The following KCNQ1 variants were observed in gnomAD, a reference collection of about 807,000 sequenced individuals.
KCNQ1 encodes potassium voltage-gated channel subfamily Q member 1, also known as potassium voltage-gated channel subfamily KQT member 1.
KCNQ1 carries 49 observed loss-of-function variants against 72.4 expected under a neutral mutation model. The ratio of observed to expected loss-of-function variants is 0.68; its 90% CI spans 0.54 to 0.86. The LOEUF (loss-of-function observed/expected upper bound fraction) is 0.86. Ranked by LOEUF, KCNQ1 falls within the 40% of genes least tolerant of loss-of-function variation. The probability of loss-of-function intolerance (pLI) is 0.00; values close to 1 mark genes in which losing one functional copy is unlikely to be tolerated. For missense variants in KCNQ1, 790 were observed against 945.1 expected, an observed-to-expected ratio of 0.84 and a Z score of 2.15; for synonymous variants, 450 against 412.6, an observed-to-expected ratio of 1.09 and a Z score of -1.10.
chr11:2,583,638 C>T (rs940644164), intron 7 of KCNQ1, 93 bp downstream of exon 7: 50 of 858,638 alleles, frequency 5.8e-5, no homozygotes, highest in East Asian at 4.4e-4. Flanking sequence ...GACCCACTTA[C>T]GTTCAGAACC....
rs1850301455 is a variant in KCNQ1 at position 2,676,721 on chromosome 11, A to T, written c.1514+14640A>T. 1 of 398,562 alleles carries T rather than the reference A, an allele frequency of 2.5e-6. No individual in the cohort carries two copies. Among genetic ancestry groups the T allele is most frequent in the African/African-American group, 2.1e-5 (1 of 48,638 alleles). The allele number at this position is 398,562 out of a possible 1,614,324, so 24.7% of individuals were successfully genotyped here. ...GCCTGGCAGGAGATAACCAAGTCATATGCATAGTGGCTTTGGGTACGATGG... is the reference window on the plus strand; with the variant it reads ...GCCTGGCAGGAGATAACCAAGTCATTTGCATAGTGGCTTTGGGTACGATGG... On this transcript the variant is annotated intron_variant, in intron 11 of 15. Coordinates refer to ENST00000155840, the MANE Select transcript of KCNQ1 (RefSeq NM_000218.3). The surrounding 1 kb of genome is among the most constrained non-coding windows in gnomAD (Gnocchi z 4.2).
chr11:2,737,578 T>TTA (rs1845978677), intron 11 of KCNQ1, among the ~76,000 whole-genome samples: 1 of 152,236 alleles, frequency 6.6e-6, no homozygotes, highest in Non-Finnish European at 1.5e-5. Flanking sequence ...AGTCTCCTAA[T>TTA]TATATTTATG....
chr11:2,798,485 G>GGCA (rs948792766), intron 15 of KCNQ1, among the ~76,000 whole-genome samples: 1 of 152,016 alleles, frequency 6.6e-6, no homozygotes, highest in African/African-American at 2.4e-5. Flanking sequence ...AGGGGTTTGC[G>GGCA]GCAGCAGCAG....
In KCNQ1 at chr11:2,816,961, CA is replaced by C. The variant is rs1490379712; in HGVS notation, c.1795-30802del. ...CCCCTCTGCCTCTGGAGGTCCCCTCCAAAACCTTGGTCCCTGTCCGCAGAGG... is the reference window on the plus strand; with the variant it reads ...CCCCTCTGCCTCTGGAGGTCCCCTCCAAACCTTGGTCCCTGTCCGCAGAGG... On this transcript the variant is annotated intron_variant, in intron 15 of 15. Transcript: ENST00000155840. This position sits in a 1 kb window ranked among gnomAD's most constrained non-coding sequence, Gnocchi z 6.8. Among the ~76,000 whole-genome samples, 1 of 152,116 alleles carries C rather than the reference CA, an allele frequency of 6.6e-6. No individual in the cohort carries two copies. The highest frequency in any genetic ancestry group is 1.9e-4 in the East Asian group (1 of 5,160).
chr11:2,452,370 A>G (rs1490183403), intron 1 of KCNQ1, among the ~76,000 whole-genome samples: 4 of 151,980 alleles, frequency 2.6e-5, no homozygotes, highest in Admixed American at 2.6e-4. Flanking sequence ...GCCCAGCTGC[A>G]CTGGGACCCC....
intron 11 of KCNQ1, chr11:2,675,077 A>G: frequency 2.5e-6 from 1 of 398,622 alleles, no homozygotes; most frequent in East Asian, 3.6e-5. Context: ...TGGAGAGGCT[A>G]GTGTGGGCAT....
intron 1 of KCNQ1, among the ~76,000 whole-genome samples, chr11:2,490,658 T>G (rs1196097411): frequency 6.6e-6 from 1 of 152,212 alleles, no homozygotes; most frequent in Non-Finnish European, 1.5e-5. Context: ...TTCTTCTGGA[T>G]CTTATCTAAG....
At chr11:2,667,926 G>A (rs939641453) in intron 11 of KCNQ1, 17 of 398,582 alleles carry the variant, frequency 4.3e-5, no homozygotes, top group South Asian at 1.3e-4. Context: ...ACCCATGTGT[G>A]CAGCACCCGG....
Position 2,523,116 on chromosome 11 carries a change from C to CCT in KCNQ1, c.387-4810_387-4809dup, listed in dbSNP as rs572145851. ...GCAGCCAGTCACCAAGTTTTCAAGC[C>CCT]CTCACCTGCGGCCTGTGAGTGCCCA... On this transcript the variant is annotated intron_variant, in intron 1 of 15. Coordinates refer to ENST00000155840, the MANE Select transcript of KCNQ1 (RefSeq NM_000218.3). 4.2e-3 allele frequency among the ~76,000 whole-genome samples: 642 copies of CCT among 152,338 alleles called. 5 individuals are homozygous for CCT. Among genetic ancestry groups the CCT allele is most frequent in the African/African-American group, 0.015 (617 of 41,558 alleles).
In KCNQ1 at chr11:2,471,721, C is replaced by T. The variant is rs1343715960; in HGVS notation, c.386+26237C>T. ...GTGTGTATAGGTGTGTGTATGTGTG[C>T]ATGGGCGTGTGTATGTGTGCATGGG... On this transcript the variant is annotated intron_variant, in intron 1 of 15. Transcript: ENST00000155840. This position sits in a 1 kb window ranked among gnomAD's most constrained non-coding sequence, Gnocchi z 4.8. 2.9e-5 allele frequency among the ~76,000 whole-genome samples: 4 copies of T among 138,682 alleles called. No individual in the cohort carries two copies. The highest frequency in any genetic ancestry group is 7.2e-5 in the Admixed American group (1 of 13,906). The allele number at this position is 138,682 out of a possible 152,430, so 91.0% of individuals were successfully genotyped here. A position where few individuals can be genotyped will look rare whatever the true frequency, so the allele number is the denominator to read the frequency against.
chr11:2,465,523 G>A (rs147148482), intron 1 of KCNQ1, among the ~76,000 whole-genome samples: 4,985 of 152,336 alleles, frequency 0.033, 115 homozygotes, highest in Middle Eastern at 0.065. Context: ...CTGAGAGGGT[G>A]GACACTTGCC....
intron 10 of KCNQ1, chr11:2,643,766 T>C: frequency 2.5e-6 from 1 of 398,616 alleles, no homozygotes; most frequent in East Asian, 3.6e-5. Context: ...AAGCATTTTT[T>C]GTAGTGCCAG....
In KCNQ1 at chr11:2,677,133, C is replaced by G; in HGVS notation, c.1514+15052C>G. The G allele has an allele frequency of 5.0e-6, 2 of 398,628 alleles. No homozygotes were observed. The highest frequency in any genetic ancestry group is 8.8e-6 in the Non-Finnish European group (2 of 226,062). The allele number at this position is 398,628 out of a possible 1,614,324, so 24.7% of individuals were successfully genotyped here. On this transcript the variant is annotated intron_variant, in intron 11 of 15. Transcript: ENST00000155840. This position sits in a 1 kb window ranked among gnomAD's most constrained non-coding sequence, Gnocchi z 4.5. The stretch of plus-strand genomic sequence containing the variant: ...AAATTAGTTTCCCTGAAACATCCCT[C>G]CCTATTGAACACTGTTGTTTCTCCC...
In KCNQ1 at chr11:2,817,661, C is replaced by G. The variant is rs919200681; in HGVS notation, c.1795-30106C>G. On this transcript the variant is annotated intron_variant, in intron 15 of 15. Transcript: ENST00000155840. This position sits in a 1 kb window ranked among gnomAD's most constrained non-coding sequence, Gnocchi z 6.1. ...ATCACAGAGGTGGTGAGAGCTACCC[C>G]GGGTCTGGGGACTGTTAGCACAGAC... 5.9e-5 allele frequency among the ~76,000 whole-genome samples: 9 copies of G among 152,114 alleles called. No homozygotes were observed. Among genetic ancestry groups the G allele is most frequent in the African/African-American group, 1.9e-4 (8 of 41,414 alleles).
Position 2,677,741 on chromosome 11 carries a change from C to T in KCNQ1, c.1514+15660C>T, listed in dbSNP as rs1011695671. 5 of 398,328 alleles carry T rather than the reference C, an allele frequency of 1.3e-5. No individual in the cohort carries two copies. The highest frequency in any genetic ancestry group is 7.1e-5 in the East Asian group (2 of 28,074). The allele number at this position is 398,328 out of a possible 1,614,324, so 24.7% of individuals were successfully genotyped here. ...ATCTCTATTGTAAAATTTTGGTCTC[C>T]GTTTTCAGTGGATTTACTTTAAGAG... is the stretch of plus-strand genomic sequence containing the variant. On this transcript the variant is annotated intron_variant, in intron 11 of 15. Transcript: ENST00000155840. This position sits in a 1 kb window ranked among gnomAD's most constrained non-coding sequence, Gnocchi z 4.5.
rs926818601 is a variant in KCNQ1 at position 2,471,581 on chromosome 11, C to G, written c.386+26097C>G. Among the ~76,000 whole-genome samples the G allele has an allele frequency of 1.3e-5, 2 of 150,262 alleles. No individual in the cohort carries two copies. The highest frequency in any genetic ancestry group is 3.9e-4 in the East Asian group (2 of 5,080). On this transcript the variant is annotated intron_variant, in intron 1 of 15. Coordinates refer to ENST00000155840, the MANE Select transcript of KCNQ1 (RefSeq NM_000218.3). The surrounding 1 kb of genome is among the most constrained non-coding windows in gnomAD (Gnocchi z 4.8). The stretch of plus-strand genomic sequence containing the variant: ...GCACATGTGTATGTGTGTGTGTGCA[C>G]GTGTGTATGGGTGCGTGTGCACCTG...
intron 11 of KCNQ1, among the ~76,000 whole-genome samples, chr11:2,729,150 A>G (rs1407587874): frequency 2.6e-5 from 4 of 152,246 alleles, no homozygotes; most frequent in Non-Finnish European, 5.9e-5. Flanking sequence ...CCGAGGGTCC[A>G]GACCTGTTGC....
intron 10 of KCNQ1, among the ~76,000 whole-genome samples, chr11:2,596,596 A>T (rs1030250192): frequency 6.6e-6 from 1 of 152,194 alleles, no homozygotes; most frequent in South Asian, 2.1e-4. Flanking sequence ...AGACAAAAAA[A>T]AAAAGAGTAC....
chr11:2,662,438 C>T (rs1849978431), intron 11 of KCNQ1: 4 of 426,002 alleles, frequency 9.4e-6, no homozygotes, highest in Non-Finnish European at 1.3e-5. Flanking sequence ...CCCCATGGAA[C>T]CCTGGCCAAA....
Sources: gnomAD v4.1 joint callset for allele counts (sites outside exome capture counted in the v4.1 genomes callset) on GRCh38, gnomAD v4.1.1 for gene constraint, Gnocchi (gnomAD v3.1) non-coding constraint, MANE v1.5 for transcripts, NCBI Gene and HGNC (gene_info 2026-07-23, HGNC 2026-07-21) for gene names.